The following EBF1 variants were observed in gnomAD, a reference collection of about 807,000 sequenced individuals.
EBF1 encodes the protein EBF transcription factor 1.
In EBF1, 10 loss-of-function variants were observed where a neutral mutation model predicts 68.4. The observed-to-expected ratio is 0.15, with a 90% CI of 0.09 to 0.25. The LOEUF is 0.25. EBF1 is among the 10% of genes least tolerant of loss of function. The pLI is 1.00. For synonymous variants in EBF1, 298 were observed against 299.8 expected (o/e 0.99, Z 0.06); for missense variants, 509 against 794.4 (o/e 0.64, Z 4.32).
chr5:158,884,811 T>C (rs1799697006), intron 6 of EBF1, among the ~76,000 whole-genome samples: 1 of 152,232 alleles, frequency 6.6e-6, no homozygotes, highest in Non-Finnish European at 1.5e-5. Context: ...TTCATCCATT[T>C]GTGCTTATTG....
At chr5:158,764,600 A>C (rs1237850860) in intron 10 of EBF1, among the ~76,000 whole-genome samples, 1 of 152,194 alleles carries the variant, frequency 6.6e-6, no homozygotes, top group Non-Finnish European at 1.5e-5. Flanking sequence ...GGCTACACAC[A>C]AGGAAGCAAA....
intron 6 of EBF1, among the ~76,000 whole-genome samples, chr5:159,042,586 C>CTGTG (rs112231991): frequency 0.045 from 6,687 of 148,516 alleles, 371 homozygotes; most frequent in Admixed American, 0.12. Context: ...AATTCTTTGC[C>CTGTG]TGTGTGTGTG....
intron 6 of EBF1, among the ~76,000 whole-genome samples, chr5:158,999,246 G>A (rs890124365): frequency 1.6e-4 from 24 of 152,184 alleles, no homozygotes; most frequent in African/African-American, 5.5e-4. Context: ...ACCAATAGTT[G>A]TTCCAAGCAA....
chr5:158,942,019 C>T (rs1813536577), intron 6 of EBF1, among the ~76,000 whole-genome samples: 1 of 152,138 alleles, frequency 6.6e-6, no homozygotes, highest in African/African-American at 2.4e-5. Flanking sequence ...GAGAAAGATG[C>T]ATTTTATAAA....
chr5:158,769,851 CAT>C (rs994768164), intron 10 of EBF1, among the ~76,000 whole-genome samples: 4 of 152,098 alleles, frequency 2.6e-5, no homozygotes, highest in African/African-American at 9.7e-5. Context: ...ATATTTAAGA[CAT>C]GTGGACAGGA....
Position 158,989,006 on chromosome 5 carries a change from C to A in EBF1, c.554+84390G>T, listed in dbSNP as rs536478490. ...GGTCTTGCCCACCGCAGGCTTAGGCCCTCTTCTCTGCCCCAGAGGAACATC... is the reference window on the plus strand; with the variant it reads ...GGTCTTGCCCACCGCAGGCTTAGGCACTCTTCTCTGCCCCAGAGGAACATC... On this transcript the variant is annotated intron_variant, in intron 6 of 15. Coordinates refer to ENST00000313708, the MANE Select transcript of EBF1 (RefSeq NM_024007.5). Among the ~76,000 whole-genome samples the A allele has an allele frequency of 4.6e-5, 7 of 152,254 alleles. No individual in the cohort carries two copies. The South Asian group carries it at 1.5e-3, about 32-fold the overall frequency.
intron 6 of EBF1, among the ~76,000 whole-genome samples, chr5:158,868,655 G>A (rs1392915413): frequency 6.6e-6 from 1 of 152,188 alleles, no homozygotes; most frequent in Non-Finnish European, 1.5e-5. Flanking sequence ...ACGTCACACA[G>A]CCACACATGG....
chr5:158,839,886 A>G, intron 7 of EBF1, 143 bp downstream of exon 7: 1 of 712,994 alleles, frequency 1.4e-6, no homozygotes, highest in Non-Finnish European at 2.5e-6. Flanking sequence ...CAACTGCTAG[A>G]TTGCAGATAC....
chr5:158,732,096 C>T (rs1764206342), intron 10 of EBF1, among the ~76,000 whole-genome samples: 1 of 152,164 alleles, frequency 6.6e-6, no homozygotes, highest in African/African-American at 2.4e-5. Context: ...TCCCTATATT[C>T]TCTAAGTAAG....
At chr5:158,944,589 C>A (rs1020084262) in intron 6 of EBF1, among the ~76,000 whole-genome samples, 1 of 152,150 alleles carries the variant, frequency 6.6e-6, no homozygotes, top group Admixed American at 6.5e-5. Context: ...CACCCAGTAA[C>A]GGGATTGCTG....
At chr5:158,872,996 AT>A (rs539493620) in intron 6 of EBF1, among the ~76,000 whole-genome samples, 1,052 of 81,024 alleles carry the variant, frequency 0.013, 12 homozygotes, top group African/African-American at 0.043. Context: ...AATGACACTA[AT>A]TTTTTTTTTT....
intron 6 of EBF1, among the ~76,000 whole-genome samples, chr5:158,891,420 C>T (rs1408503102): frequency 1.3e-5 from 2 of 152,022 alleles, no homozygotes; most frequent in African/African-American, 4.8e-5. Flanking sequence ...GTATTTTTCC[C>T]CTAATGCCCA....
intron 6 of EBF1, chr5:158,986,888 A>G (rs1759199463): frequency 6.6e-6 from 1 of 152,256 alleles, no homozygotes; most frequent in African/African-American, 2.4e-5. Flanking sequence ...ACACCTATGA[A>G]TAAGGAACTA....
chr5:158,931,462 GT>G (rs1475803126), intron 6 of EBF1, among the ~76,000 whole-genome samples: 1 of 152,210 alleles, frequency 6.6e-6, no homozygotes, highest in Non-Finnish European at 1.5e-5. Context: ...ACCTCGTGGA[GT>G]TTTTTAGAAC....
At chr5:159,052,766 C>T (rs1774033814) in intron 6 of EBF1, among the ~76,000 whole-genome samples, 1 of 152,186 alleles carries the variant, frequency 6.6e-6, no homozygotes, top group African/African-American at 2.4e-5. Context: ...CCCTGCTGAG[C>T]GTGGCTGCTT....
At chr5:158,815,249 T>C (rs1247371552) in intron 8 of EBF1, among the ~76,000 whole-genome samples, 1 of 152,158 alleles carries the variant, frequency 6.6e-6, no homozygotes, top group Non-Finnish European at 1.5e-5. Context: ...TCTGTGCCTG[T>C]CATAGTAGGG....
intron 6 of EBF1, among the ~76,000 whole-genome samples, chr5:158,903,952 T>A (rs1312181177): frequency 6.6e-6 from 1 of 151,844 alleles, no homozygotes; most frequent in Non-Finnish European, 1.5e-5. Flanking sequence ...AGGCTCAGAG[T>A]AAAAGACCCG....
At chr5:158,948,378 A>T (rs77636235) in intron 6 of EBF1, among the ~76,000 whole-genome samples, 1 of 150,516 alleles carries the variant, frequency 6.6e-6, no homozygotes, top group Admixed American at 6.6e-5. Flanking sequence ...TGGAATGTTT[A>T]AAAAAAAAAA....
intron 13 of EBF1, 69 bp from the exon 14 acceptor site, chr5:158,712,402 G>A (rs1326938559): frequency 1.9e-5 from 30 of 1,555,158 alleles, no homozygotes; most frequent in Non-Finnish European, 2.6e-5. Context: ...AAGACTCGGG[G>A]AAAGGAAGGT....
Sources: allele counts gnomAD v4.1 joint callset (sites outside exome capture counted in the v4.1 genomes callset), GRCh38; gene constraint gnomAD v4.1.1; transcripts MANE v1.5; gene names NCBI Gene and HGNC (gene_info 2026-07-23, HGNC 2026-07-21).